KPNA5: variants seen among roughly 807,000 people sequenced by gnomAD.
The protein encoded by KPNA5 is karyopherin subunit alpha 5.
A neutral mutation model predicts 71.3 loss-of-function variants in KPNA5; 46 were observed. The ratio of observed to expected loss-of-function variants is 0.65; its 90% CI spans 0.51 to 0.83. The LOEUF is 0.83. Among genes scored for constraint, KPNA5 ranks in the 40% least tolerant of loss-of-function variants. The pLI is 0.00. For synonymous variants in KPNA5, 207 were observed against 201.4 expected, an observed-to-expected ratio of 1.03 and a Z score of -0.24; for missense variants, 547 against 628.3, an observed-to-expected ratio of 0.87 and a Z score of 1.38.
chr6:116,724,450 T>G (rs1779223195), intron 10 of KPNA5, 75 bp downstream of exon 10: 1 of 942,784 alleles, frequency 1.1e-6, no homozygotes, highest in Non-Finnish European at 1.7e-6. Flanking sequence ...ACAACTTGAT[T>G]ACATATTAAT....
intron 13 of KPNA5, among the ~76,000 whole-genome samples, 153 bp from the exon 14 acceptor site, chr6:116,731,983 A>T (rs1258055930): frequency 6.6e-6 from 1 of 150,380 alleles, no homozygotes; most frequent in Non-Finnish European, 1.5e-5. Flanking sequence ...CAACAGTTAG[A>T]TTAAAATAGT....
In KPNA5 at chr6:116,693,508, G is replaced by A. The variant is rs1475851713; in HGVS notation, c.340+1116G>A. ...TCAGTGATGATGAGCATTTTTTTAT[G>A]TGTCTTTTGGCTGCATGAATGTCTT... On this transcript the variant is annotated intron_variant, in intron 4 of 13. Transcript: ENST00000368564. Among the ~76,000 whole-genome samples the A allele has an allele frequency of 2.0e-5, 3 of 152,148 alleles. 1 individual carries two copies. The Middle Eastern group carries it at 9.5e-3, about 481-fold the overall frequency.
chr6:116,702,177 T>G, intron 6 of KPNA5, 27 bp downstream of exon 6: 2 of 1,589,892 alleles, frequency 1.3e-6, no homozygotes, highest in Non-Finnish European at 1.7e-6. Flanking sequence ...TATTGTTGTA[T>G]GTACTAGAAT....
At position 116,722,140 on chromosome 6, in the gene KPNA5, A is replaced by T; in HGVS notation, c.771A>T (p.Leu257Phe). The T allele has an allele frequency of 6.3e-7, 1 of 1,579,956 alleles. No individual in the cohort carries two copies. The highest frequency in any genetic ancestry group is 2.3e-5 in the East Asian group (1 of 44,182). Residue 257 changes from leucine (L) to phenylalanine (F), a missense_variant, in exon 9 of 14, where the codon TTA (leucine) becomes TTT (phenylalanine). Coordinates refer to ENST00000368564, the MANE Select transcript of KPNA5 (RefSeq NM_001366306.2). ...PPNFSKVSPC[L>F]NVLSRLLFSS... is the part of the protein sequence containing the mutation. Reference sequence around the variant, plus strand: ...TTCCCTTACAGGTTTCACCTTGCTTAAATGTCCTGTCACGACTGTTGTTTA... The same window carrying T: ...TTCCCTTACAGGTTTCACCTTGCTTTAATGTCCTGTCACGACTGTTGTTTA...
chr6:116,717,701 C>T (rs910673627), intron 8 of KPNA5, among the ~76,000 whole-genome samples: 3 of 152,084 alleles, frequency 2.0e-5, no homozygotes, highest in South Asian at 4.2e-4. Context: ...GGTGAAGTGC[C>T]GTGTTTAAAT....
intron 1 of KPNA5, among the ~76,000 whole-genome samples, chr6:116,685,032 T>C (rs1562424275): frequency 6.6e-6 from 1 of 152,244 alleles, no homozygotes; most frequent in Non-Finnish European, 1.5e-5. Flanking sequence ...TACTCCTAGA[T>C]ATTTACTGAG....
chr6:116,732,120 A>ATATATG lies in KPNA5; in HGVS notation c.1433-14_1433-13insTATGTA, dbSNP rs1779519606. ...TATATATATATATATATATATATATATACTTTGTATAACAGGTCTGGATAA... is the reference window on the plus strand; with the variant it reads ...TATATATATATATATATATATATATATATATGTACTTTGTATAACAGGTCTGGATAA... On this transcript the variant is annotated splice_polypyrimidine_tract_variant and intron_variant, in intron 13 of 13. Transcript: ENST00000368564. The ATATATG allele has an allele frequency of 2.0e-6, 1 of 512,504 alleles. No individual in the cohort carries two copies. The highest frequency in any genetic ancestry group is 3.2e-6 in the Non-Finnish European group (1 of 315,792). 31.7% of individuals were successfully genotyped at this position (512,504 alleles called of 1,614,324 possible).
chr6:116,696,632 T>A (rs1778040117), intron 4 of KPNA5, among the ~76,000 whole-genome samples: 1 of 152,146 alleles, frequency 6.6e-6, no homozygotes, highest in Non-Finnish European at 1.5e-5. Flanking sequence ...TCAATCCCAG[T>A]TTTGTAGAAA....
chr6:116,710,596 A>G (rs1778624231), intron 7 of KPNA5, among the ~76,000 whole-genome samples: 1 of 151,960 alleles, frequency 6.6e-6, no homozygotes, highest in African/African-American at 2.4e-5. Context: ...TTTGAGAATT[A>G]TTCATTAATG....
chr6:116,722,384 C>G, intron 9 of KPNA5, 95 bp downstream of exon 9: 1 of 1,002,294 alleles, frequency 1.0e-6, no homozygotes, highest in Non-Finnish European at 1.4e-6. Flanking sequence ...GAGTCACTGT[C>G]TTCAGGGAAA....
At chr6:116,683,773 A>G (rs1389405045) in intron 1 of KPNA5, among the ~76,000 whole-genome samples, 1 of 147,568 alleles carries the variant, frequency 6.8e-6, no homozygotes, top group Non-Finnish European at 1.5e-5. Context: ...AATTTTTTGT[A>G]TTTTTAATAG....
intron 1 of KPNA5, among the ~76,000 whole-genome samples, chr6:116,685,031 A>G (rs557566955): frequency 6.6e-6 from 1 of 152,364 alleles, no homozygotes; most frequent in South Asian, 2.1e-4. Context: ...CTACTCCTAG[A>G]TATTTACTGA....
At chr6:116,693,242 T>C (rs1378491518) in intron 4 of KPNA5, among the ~76,000 whole-genome samples, 2 of 152,204 alleles carry the variant, frequency 1.3e-5, no homozygotes, top group Non-Finnish European at 2.9e-5. Flanking sequence ...ATCCTTTGGG[T>C]ATATACCCAG....
At chr6:116,720,583 G>A (rs761523559) in intron 8 of KPNA5, among the ~76,000 whole-genome samples, 2 of 152,026 alleles carry the variant, frequency 1.3e-5, no homozygotes, top group African/African-American at 2.4e-5. Context: ...TGGGTGTGGC[G>A]GCTCATGCCT....
At chr6:116,689,577 C>T (rs575017420) in intron 2 of KPNA5, 124 bp downstream of exon 2, 25 of 806,458 alleles carry the variant, frequency 3.1e-5, no homozygotes, top group African/African-American at 9.0e-5. Flanking sequence ...TTATTAGACT[C>T]CAGGCATCAT....
intron 4 of KPNA5, 49 bp downstream of exon 4, chr6:116,692,441 T>C: frequency 8.7e-7 from 1 of 1,147,378 alleles, no homozygotes; most frequent in Middle Eastern, 2.4e-4. Flanking sequence ...GATTTTTTAG[T>C]AGAGGTTTAT....
At chr6:116,730,689 T>A (rs528550522) in intron 13 of KPNA5, among the ~76,000 whole-genome samples, 1 of 152,264 alleles carries the variant, frequency 6.6e-6, no homozygotes, top group Admixed American at 6.5e-5. Context: ...AACCTCATAC[T>A]TGTTTTGTTT....
intron 4 of KPNA5, among the ~76,000 whole-genome samples, chr6:116,692,972 G>A (rs1160753105): frequency 2.6e-5 from 4 of 152,138 alleles, no homozygotes; most frequent in Non-Finnish European, 5.9e-5. Flanking sequence ...ACCTATGAGT[G>A]AGAACATGCG....
Position 116,735,020 on chromosome 6 carries a change from G to A in KPNA5, c.*2697G>A, listed in dbSNP as rs1157432218. 1 of 151,624 alleles carries A rather than the reference G, an allele frequency of 6.6e-6. No individual in the cohort carries two copies. Among genetic ancestry groups the A allele is most frequent in the African/African-American group, 2.4e-5 (1 of 41,390 alleles). The allele number at this position is 151,624 out of a possible 1,614,324, so 9.4% of individuals were successfully genotyped here. ...TCTCCTATTTAATCTATGCAATTATGCTTGTTTTATATTTATAAGCACTTG... is the reference window on the plus strand; with the variant it reads ...TCTCCTATTTAATCTATGCAATTATACTTGTTTTATATTTATAAGCACTTG... On this transcript the variant is annotated 3_prime_UTR_variant, in exon 14 of 14. Coordinates refer to ENST00000368564, the MANE Select transcript of KPNA5 (RefSeq NM_001366306.2).
Sources: allele counts gnomAD v4.1 joint callset (sites outside exome capture counted in the v4.1 genomes callset), GRCh38; gene constraint gnomAD v4.1.1; transcripts MANE v1.5; gene names NCBI Gene and HGNC (gene_info 2026-07-23, HGNC 2026-07-21).